TAPBPL: variants seen among roughly 807,000 people sequenced by gnomAD.
The protein encoded by TAPBPL is TAP binding protein like.
TAPBPL carries 32 observed loss-of-function variants against 44.8 expected under a neutral mutation model. The observed-to-expected ratio is 0.71, with a 90% confidence interval of 0.54 to 0.96. The LOEUF (loss-of-function observed/expected upper bound fraction) is 0.96, where lower values mean the gene tolerates loss of function less well. Ranked by LOEUF, TAPBPL falls within the 40% of genes least tolerant of loss-of-function variation. The pLI, the probability that TAPBPL is intolerant of heterozygous loss-of-function variation, is 0.00. For missense variants in TAPBPL, 520 were observed against 586.6 expected (o/e 0.89, Z 1.17); for synonymous variants, 230 against 240.7 (o/e 0.96, Z 0.41).
At chr12:6,456,019 C>G (rs1010195513) in intron 3 of TAPBPL, among the ~76,000 whole-genome samples, 2 of 152,166 alleles carry the variant, frequency 1.3e-5, no homozygotes, top group African/African-American at 4.8e-5. Context: ...CTCGGCCTCC[C>G]AAAGTGTTGG....
At chr12:6,470,539 A>G, downstream of TAPBPL, 1 of 1,614,010 alleles carries the variant, frequency 6.2e-7, no homozygotes, top group South Asian at 1.1e-5. Flanking sequence ...CATTTTTCTG[A>G]CAGAGAGAGT....
chr12:6,464,601 C>T (rs756331634), downstream of TAPBPL: 74 of 1,458,700 alleles, frequency 5.1e-5, no homozygotes, highest in Non-Finnish European at 6.5e-5. Context: ...TTAAGTGCCC[C>T]ATCCCCATGG....
At chr12:6,454,025 AAAG>A (rs1377869509) in intron 3 of TAPBPL, among the ~76,000 whole-genome samples, 1 of 151,426 alleles carries the variant, frequency 6.6e-6, no homozygotes, top group Non-Finnish European at 1.5e-5. Context: ...CAAAAAAAAA[AAAG>A]AAAAGAAAAG....
intron 6 of TAPBPL, among the ~76,000 whole-genome samples, chr12:6,461,760 G>A (rs1037390365): frequency 6.6e-6 from 1 of 152,340 alleles, no homozygotes; most frequent in South Asian, 2.1e-4. Context: ...TCAGCTGCAA[G>A]GAGAGACTTC....
downstream of TAPBPL, chr12:6,466,371 G>T: frequency 6.2e-7 from 1 of 1,607,990 alleles, no homozygotes; most frequent in Non-Finnish European, 8.5e-7. Context: ...GACATGTGCA[G>T]AGTACACAAA....
At chr12:6,463,008 G>A (rs1949921197), downstream of TAPBPL, 1 of 1,549,518 alleles carries the variant, frequency 6.5e-7, no homozygotes, top group South Asian at 1.2e-5. This position sits in a 1 kb window ranked among gnomAD's most constrained non-coding sequence, Gnocchi z 4.0. Context: ...AAAGGGCCAT[G>A]GGCATTCTCC....
chr12:6,471,546 G>A, the TAPBPL span, among the ~76,000 whole-genome samples: 5 of 152,132 alleles, frequency 3.3e-5, no homozygotes, highest in South Asian at 1.0e-3. The surrounding 1 kb of genome is among the most constrained non-coding windows in gnomAD (Gnocchi z 4.0). Context: ...AAGGTTACAA[G>A]GCCGGGCGCA....
chr12:6,458,843 C>T lies in TAPBPL; in HGVS notation c.1103C>T (p.Ser368Phe). 6.2e-7 allele frequency: 1 copy of T among 1,614,192 alleles called. No homozygotes were observed. Reference sequence around the variant, plus strand: ...GCAGGCACCTACAGCATCTCCTCCTCTCTCACCGCAGAACCTGGCTCTGCA... The same window carrying T: ...GCAGGCACCTACAGCATCTCCTCCTTTCTCACCGCAGAACCTGGCTCTGCA... ...SVAGTYSISS[S>F]LTAEPGSAGA... is the part of the protein sequence containing the mutation. Residue 368 changes from serine to phenylalanine, a missense_variant, in exon 5 of 7, where the codon TCT becomes TTT. Ser to Phe is a radical substitution (Grantham distance 155). Coordinates refer to ENST00000266556, the MANE Select transcript of TAPBPL (RefSeq NM_018009.5).
At chr12:6,466,101 G>C, downstream of TAPBPL, 1 of 1,610,470 alleles carries the variant, frequency 6.2e-7, no homozygotes, top group Non-Finnish European at 8.5e-7. Context: ...CAACTCTAAA[G>C]GGTGCTTTGC....
downstream of TAPBPL, chr12:6,462,783 C>G (rs142636658): frequency 2.6e-6 from 4 of 1,566,770 alleles, no homozygotes; most frequent in Non-Finnish European, 3.5e-6. Context: ...AGAGTGGAGA[C>G]CTTCGAGGGG....
chr12:6,458,664 G>C lies in TAPBPL; in HGVS notation c.924G>C (p.Leu308=), dbSNP rs766224053. 1.9e-6 allele frequency: 3 copies of C among 1,613,996 alleles called. No individual in the cohort carries two copies. In the East Asian group the frequency reaches 6.7e-5, roughly 36 times the overall value. ...CTCCAGCTTCCCCTAAAGTACGACT[G>C]AGCTTGGCAAACGAAGCTCTGCTGC... ...LNIQASPKVR[L]SLANEALLPT... The change falls in exon 5 of 7, where the codon CTG becomes CTC. Residue 308 remains leucine, a synonymous_variant. Coordinates refer to ENST00000266556, the MANE Select transcript of TAPBPL (RefSeq NM_018009.5).
At chr12:6,464,155 ACTCCC>A, downstream of TAPBPL, 1 of 1,413,640 alleles carries the variant, frequency 7.1e-7, no homozygotes. Flanking sequence ...CGCCTCAGCC[ACTCCC>A]CTCCCTGCCC....
At chr12:6,471,258 C>A (rs1945768146), downstream of TAPBPL, among the ~76,000 whole-genome samples, 1 of 152,208 alleles carries the variant, frequency 6.6e-6, no homozygotes, top group South Asian at 2.1e-4. The surrounding 1 kb of genome is among the most constrained non-coding windows in gnomAD (Gnocchi z 4.0). Flanking sequence ...AGCTTTCGTT[C>A]ATTCGTTTCT....
chr12:6,458,248 C>CGCCT (rs1949752503), intron 4 of TAPBPL, among the ~76,000 whole-genome samples: 1 of 152,094 alleles, frequency 6.6e-6, no homozygotes, highest in Non-Finnish European at 1.5e-5. Flanking sequence ...TGGTGGTGCG[C>CGCCT]GCCTGTAGTC....
chr12:6,464,265 A>G (rs1461750509), downstream of TAPBPL: 2 of 1,530,258 alleles, frequency 1.3e-6, no homozygotes, highest in African/African-American at 1.4e-5. Flanking sequence ...CTCTTCGGGT[A>G]ATGACTTAGA....
At chr12:6,464,070 G>A, downstream of TAPBPL, 2 of 1,301,166 alleles carry the variant, frequency 1.5e-6, no homozygotes, top group Non-Finnish European at 2.0e-6. Context: ...TCCTACCAGT[G>A]GCCAGGTTTT....
At chr12:6,459,154 C>T (rs562771324) in intron 5 of TAPBPL, among the ~76,000 whole-genome samples, 1 of 152,320 alleles carries the variant, frequency 6.6e-6, no homozygotes, top group African/African-American at 2.4e-5. Flanking sequence ...TATACTCCAG[C>T]CTCCAGGGTG....
downstream of TAPBPL, chr12:6,466,387 C>G: frequency 1.3e-6 from 2 of 1,588,604 alleles, no homozygotes; most frequent in Non-Finnish European, 8.6e-7. Context: ...ACAAAGTGAC[C>G]AAGACAAGAA....
intron 1 of TAPBPL, 162 bp downstream of exon 1, chr12:6,452,474 A>C: frequency 6.9e-7 from 1 of 1,446,634 alleles, no homozygotes; most frequent in South Asian, 1.5e-5. Flanking sequence ...GGAAGGAACC[A>C]ATAGTGTGTG....
Sources: allele counts gnomAD v4.1 joint callset (sites outside exome capture counted in the v4.1 genomes callset), GRCh38; gene constraint gnomAD v4.1.1; non-coding constraint Gnocchi (gnomAD v3.1); transcripts MANE v1.5; gene names NCBI Gene and HGNC (gene_info 2026-07-23, HGNC 2026-07-21).